SLC24A2: variants seen among roughly 807,000 people sequenced by gnomAD.
SLC24A2 encodes the protein sodium/potassium/calcium exchanger 2.
In SLC24A2, 36 loss-of-function variants were observed where a neutral mutation model predicts 62.0. The observed-to-expected ratio is 0.58, with a 90% CI of 0.44 to 0.77. SLC24A2 has a LOEUF of 0.77. Ranked by LOEUF, SLC24A2 falls within the 30% of genes least tolerant of loss-of-function variation. The probability of loss-of-function intolerance (pLI) is 0.00; values close to 1 mark genes in which losing one functional copy is unlikely to be tolerated. For missense variants in SLC24A2, 846 were observed against 817.9 expected, an observed-to-expected ratio of 1.03 and a Z score of -0.42; for synonymous variants, 358 against 294.0, an observed-to-expected ratio of 1.22 and a Z score of -2.23.
the SLC24A2 span, among the ~76,000 whole-genome samples, chr9:20,216,644 T>C: frequency 6.6e-6 from 1 of 152,216 alleles, no homozygotes; most frequent in African/African-American, 2.4e-5. Flanking sequence ...ATCCAGTGTC[T>C]CATTTTTGGT....
At chr9:19,910,492 T>C in the SLC24A2 span, among the ~76,000 whole-genome samples, 1 of 152,058 alleles carries the variant, frequency 6.6e-6, no homozygotes, top group African/African-American at 2.4e-5. Context: ...AAAAACATTC[T>C]CAATTTCCTA....
the SLC24A2 span, among the ~76,000 whole-genome samples, chr9:20,145,291 T>G: frequency 3.3e-5 from 5 of 152,212 alleles, no homozygotes; most frequent in South Asian, 8.3e-4. Flanking sequence ...GCAAGCCTTA[T>G]GGTCTGCAAA....
chr9:19,578,997 G>T (rs1350830009), intron 5 of SLC24A2, among the ~76,000 whole-genome samples: 1 of 152,218 alleles, frequency 6.6e-6, no homozygotes, highest in Non-Finnish European at 1.5e-5. Context: ...AGAAAAGGAG[G>T]TTGGTGTGTG....
intron 2 of SLC24A2, among the ~76,000 whole-genome samples, chr9:19,767,719 G>A (rs1051348471): frequency 4.6e-5 from 7 of 152,180 alleles, no homozygotes; most frequent in African/African-American, 1.7e-4. Flanking sequence ...GTCTTGCTGG[G>A]AACTGCAGAC....
the SLC24A2 span, among the ~76,000 whole-genome samples, chr9:20,301,636 A>G: frequency 6.6e-6 from 1 of 151,678 alleles, no homozygotes; most frequent in Non-Finnish European, 1.5e-5. Context: ...AGGAAGGTAC[A>G]GAGATTTCCA....
the SLC24A2 span, among the ~76,000 whole-genome samples, chr9:19,922,082 A>G: frequency 2.6e-5 from 4 of 152,172 alleles, no homozygotes; most frequent in Non-Finnish European, 4.4e-5. Flanking sequence ...CCAAGCAGCT[A>G]GAGAAAATAA....
chr9:20,083,048 C>T, the SLC24A2 span, among the ~76,000 whole-genome samples: 53,761 of 152,062 alleles, frequency 0.35, 9,730 homozygotes, highest in Middle Eastern at 0.47. Flanking sequence ...ACTACAGTGC[C>T]GGGGTCATTA....
the SLC24A2 span, among the ~76,000 whole-genome samples, chr9:20,219,133 T>C: frequency 4.6e-5 from 7 of 152,146 alleles, no homozygotes; most frequent in Middle Eastern, 3.2e-3. Flanking sequence ...TGGAGTTGGG[T>C]GGCCCTCAGT....
chr9:20,130,651 G>A, the SLC24A2 span, among the ~76,000 whole-genome samples: 1 of 152,160 alleles, frequency 6.6e-6, no homozygotes, highest in Non-Finnish European at 1.5e-5. Flanking sequence ...GTAAGTTTAT[G>A]AGGGAAGCCA....
chr9:19,733,384 G>A (rs746484189), intron 2 of SLC24A2, among the ~76,000 whole-genome samples: 12 of 151,950 alleles, frequency 7.9e-5, no homozygotes, highest in Non-Finnish European at 1.2e-4. Flanking sequence ...TCTTCTTTCC[G>A]TTCTCTTACA....
the SLC24A2 span, among the ~76,000 whole-genome samples, chr9:19,820,714 A>G: frequency 6.6e-6 from 1 of 151,750 alleles, no homozygotes; most frequent in South Asian, 2.1e-4. Context: ...GTGTATGTAC[A>G]TGTGTCTATG....
At chr9:19,561,326 AGG>A (rs1491119431) in intron 7 of SLC24A2, among the ~76,000 whole-genome samples, 2,678 of 149,818 alleles carry the variant, frequency 0.018, 17 homozygotes, top group African/African-American at 0.062. Context: ...AGTGAAAAAG[AGG>A]TAAGTTTACG....
chr9:19,705,979 G>T (rs1239422333), intron 2 of SLC24A2, among the ~76,000 whole-genome samples: 3 of 151,836 alleles, frequency 2.0e-5, no homozygotes, highest in Non-Finnish European at 4.4e-5. Flanking sequence ...TTCAATTCCT[G>T]GGTATCCTTG....
chr9:20,144,676 A>T, the SLC24A2 span, among the ~76,000 whole-genome samples: 2 of 152,254 alleles, frequency 1.3e-5, no homozygotes, highest in East Asian at 1.9e-4. Context: ...TCCTGGTCCC[A>T]TTTGTTTGTA....
chr9:20,264,134 C>A, the SLC24A2 span, among the ~76,000 whole-genome samples: 1 of 152,142 alleles, frequency 6.6e-6, no homozygotes, highest in Non-Finnish European at 1.5e-5. Flanking sequence ...CAGAGATGCT[C>A]AGGTGTAACA....
At chr9:20,045,956 A>G in the SLC24A2 span, among the ~76,000 whole-genome samples, 1 of 152,186 alleles carries the variant, frequency 6.6e-6, no homozygotes, top group East Asian at 1.9e-4. Context: ...GGAGAGAACA[A>G]CTAGTGCAAA....
intron 2 of SLC24A2, among the ~76,000 whole-genome samples, chr9:19,784,479 G>A (rs972908268): frequency 1.3e-5 from 2 of 152,188 alleles, no homozygotes; most frequent in Non-Finnish European, 2.9e-5. Context: ...AAATTTATAA[G>A]ACATCGAATC....
At chr9:19,671,577 T>G (rs12683951) in intron 2 of SLC24A2, among the ~76,000 whole-genome samples, 4,661 of 152,190 alleles carry the variant, frequency 0.031, 150 homozygotes, top group East Asian at 0.092. Context: ...TCTGGCTAGG[T>G]CTCCCAGCAC....
chr9:19,636,334 T>TCTTC (rs1818340131), intron 2 of SLC24A2, among the ~76,000 whole-genome samples: 1 of 25,918 alleles, frequency 3.9e-5, no homozygotes, highest in Non-Finnish European at 7.7e-5. Context: ...TTTCTTTCTT[T>TCTTC]CTTTCTTTCT....
Sources: gnomAD v4.1 joint callset for allele counts (sites outside exome capture counted in the v4.1 genomes callset) on GRCh38, gnomAD v4.1.1 for gene constraint, MANE v1.5 for transcripts, NCBI Gene and HGNC (gene_info 2026-07-23, HGNC 2026-07-21) for gene names.